Variants in ERAP1 observed in about 807,000 individuals in gnomAD.
ERAP1 encodes endoplasmic reticulum aminopeptidase 1.
A neutral mutation model predicts 103.7 loss-of-function variants in ERAP1; 86 were observed. The ratio of observed to expected loss-of-function variants is 0.83; its 90% CI spans 0.70 to 0.99. The LOEUF (loss-of-function observed/expected upper bound fraction) is 0.99. ERAP1 is among the 50% of genes least tolerant of loss of function. The pLI is 0.00. For synonymous variants in ERAP1, 398 were observed against 402.4 expected (o/e 0.99, Z 0.13); for missense variants, 1,009 against 1,128.4 (o/e 0.89, Z 1.52).
chr5:96,794,694 G>C (rs1452698248), intron 5 of ERAP1, among the ~76,000 whole-genome samples: 3 of 152,154 alleles, frequency 2.0e-5, no homozygotes, highest in Admixed American at 6.5e-5. Flanking sequence ...ATTCAAAACA[G>C]TTTGTTGAGC....
At chr5:96,858,652 T>A in the ERAP1 span, among the ~76,000 whole-genome samples, 1 of 152,232 alleles carries the variant, frequency 6.6e-6, no homozygotes, top group Non-Finnish European at 1.5e-5. Flanking sequence ...AGTATTTGTC[T>A]TCATTACTGA....
the ERAP1 span, among the ~76,000 whole-genome samples, chr5:96,922,056 T>TG: frequency 6.6e-6 from 1 of 151,102 alleles, no homozygotes; most frequent in African/African-American, 2.4e-5. Context: ...CCCAGCACTT[T>TG]GGGAGGCCGA....
chr5:96,781,934 T>G (rs745646536), intron 15 of ERAP1, 80 bp from the exon 16 acceptor site: 2 of 1,268,326 alleles, frequency 1.6e-6, no homozygotes, highest in Non-Finnish European at 2.3e-6. Context: ...AACTATGAAC[T>G]GCTGAACTTT....
the ERAP1 span, among the ~76,000 whole-genome samples, chr5:96,867,777 T>C: frequency 6.6e-6 from 1 of 152,092 alleles, no homozygotes; most frequent in Admixed American, 6.5e-5. Context: ...TTTACCTGCT[T>C]TAATACTCTA....
In ERAP1 at chr5:96,783,056, G is replaced by A. The variant is rs766974540; in HGVS notation, c.2280C>T (p.Asn760=). 9 of 1,614,206 alleles carry A rather than the reference G, an allele frequency of 5.6e-6. 1 individual carries two copies. In the East Asian group the frequency reaches 1.3e-4, roughly 24 times the overall value. The part of the protein sequence containing the change: ...YFRKWKESNG[N]LSLPVDVTLA... ...GTTATTTAGTAAGGACTGACCTCAA[G>A]TTTCCATTGGATTCCTTCCACTTTC... The change falls in exon 15 of 19, where the codon AAC becomes AAT. Residue 760 remains asparagine (N), a synonymous_variant. Transcript: ENST00000443439.
chr5:96,913,250 T>G, the ERAP1 span: 1 of 1,246,622 alleles, frequency 8.0e-7, no homozygotes, highest in Non-Finnish European at 1.1e-6. Context: ...AATATATTGG[T>G]GGCTTGAGTT....
chr5:96,853,710 G>T, the ERAP1 span, among the ~76,000 whole-genome samples: 1 of 151,930 alleles, frequency 6.6e-6, no homozygotes, highest in Non-Finnish European at 1.5e-5. Context: ...ATGAGAATTT[G>T]GAACTCACAG....
At chr5:96,890,266 G>C in the ERAP1 span, among the ~76,000 whole-genome samples, 1 of 152,310 alleles carries the variant, frequency 6.6e-6, no homozygotes, top group East Asian at 1.9e-4. Flanking sequence ...GGATGAAACT[G>C]TTCCACCTCA....
chr5:96,892,825 C>T, the ERAP1 span, among the ~76,000 whole-genome samples: 1 of 152,120 alleles, frequency 6.6e-6, no homozygotes, highest in East Asian at 1.9e-4. Flanking sequence ...CTCTGGCATT[C>T]CAATCTAGGG....
In ERAP1 at chr5:96,781,832, C is replaced by G. The variant is rs1162837179; in HGVS notation, c.2308G>C (p.Ala770Pro). The G allele has an allele frequency of 6.2e-7, 1 of 1,613,970 alleles. No homozygotes were observed. The highest frequency in any genetic ancestry group is 1.1e-5 in the South Asian group (1 of 91,078). Residue 770 changes from alanine to proline, a missense_variant, in exon 16 of 19, where the codon GCA (alanine) becomes CCA (proline). Physicochemically the swap from Ala to Pro is conservative, Grantham distance 27. This residue lies in a region of ERAP1 where 611 missense variants were observed against 651.7 expected (regional missense o/e 0.94). Coordinates refer to ENST00000443439, the MANE Select transcript of ERAP1 (RefSeq NM_001040458.3). ...CTCTGGGCCCCCACAGCAAACACTG[C>G]CAAGGTCACGTCGACAGGCAGGCTA... ...NLSLPVDVTL[A>P]VFAVGAQSTE...
chr5:96,890,585 A>G, the ERAP1 span, among the ~76,000 whole-genome samples: 1 of 152,302 alleles, frequency 6.6e-6, no homozygotes, highest in African/African-American at 2.4e-5. Context: ...CAGTGACAAA[A>G]CAATTTTTTT....
chr5:96,878,900 C>G, the ERAP1 span, among the ~76,000 whole-genome samples: 2 of 152,108 alleles, frequency 1.3e-5, no homozygotes, highest in Non-Finnish European at 2.9e-5. Flanking sequence ...TGCATTCCAA[C>G]CTGGACAACA....
At chr5:96,833,375 A>T in the ERAP1 span, among the ~76,000 whole-genome samples, 1 of 152,186 alleles carries the variant, frequency 6.6e-6, no homozygotes, top group African/African-American at 2.4e-5. Context: ...TCATATAAAT[A>T]TTTCTCAACA....
chr5:96,793,948 G>A lies in ERAP1; in HGVS notation c.929C>T (p.Ala310Val). 18 of 1,614,086 alleles carry A rather than the reference G, an allele frequency of 1.1e-5. No individual in the cohort carries two copies. Among genetic ancestry groups the A allele is most frequent in the Non-Finnish European group, 1.5e-5 (18 of 1,179,962 alleles). The change falls in exon 6 of 19, where the codon GCT becomes GTT. Residue 310 changes from alanine (A) to valine (V), a missense_variant. Physicochemically the swap from Ala to Val is moderately conservative, Grantham distance 64 (BLOSUM62 0). This residue lies in a region of ERAP1 where 392 missense variants were observed against 455.2 expected (regional missense o/e 0.86). Transcript: ENST00000443439. ...AGCACCAGACTGAAAGTCGGGAATA[G>A]CAGCAAGATCTTGGGAAGGAAGTAA... is the stretch of plus-strand genomic sequence containing the variant. Reference protein sequence around the residue: ...PYPLPKQDLAAIPDFQSGAME... With the variant: ...PYPLPKQDLAVIPDFQSGAME...
rs182596920 is a variant in ERAP1 at position 96,793,972 on chromosome 5, A to G, written c.920-15T>C. ...AGCAGCAAGATCTTGGGAAGGAAGT[A>G]ATAAAATACATTACCAGTCTCTAAG... On this transcript the variant is annotated splice_polypyrimidine_tract_variant and intron_variant, in intron 5 of 18. Transcript: ENST00000443439. 1.2e-6 allele frequency: 2 copies of G among 1,613,602 alleles called. No homozygotes were observed. Among genetic ancestry groups the G allele is most frequent in the Admixed American group, 3.3e-5 (2 of 60,018 alleles).
At chr5:96,784,110 T>G in intron 13 of ERAP1, 30 bp from the exon 14 acceptor site, 2 of 1,613,192 alleles carry the variant, frequency 1.2e-6, no homozygotes, top group Non-Finnish European at 1.7e-6. Flanking sequence ...GTTAGTGGTT[T>G]AAAAGTAAAT....
chr5:96,807,831 C>A, intron 1 of ERAP1, 29 bp downstream of exon 1: 3 of 985,612 alleles, frequency 3.0e-6, no homozygotes, highest in African/African-American at 3.5e-5. Context: ...GGCCCGCAGT[C>A]CCCTACCCGC....
chr5:96,786,550 C>T lies in ERAP1; in HGVS notation c.1680-1G>A. 6.3e-7 allele frequency: 1 copy of T among 1,598,364 alleles called. No homozygotes were observed. The highest frequency in any genetic ancestry group is 1.3e-5 in the African/African-American group (1 of 74,788). On this transcript the variant is annotated splice_acceptor_variant, in intron 11 of 18. Transcript: ENST00000443439. LOFTEE classifies it high-confidence loss of function. The stretch of plus-strand genomic sequence containing the variant: ...TGTCAATGGAACATGCCACAGGTAC[C>T]TAAAATAAAGGAGAGGTGGATTGTT...
the ERAP1 span, chr5:96,880,320 T>G: frequency 1.4e-6 from 2 of 1,442,364 alleles, no homozygotes; most frequent in Non-Finnish European, 1.9e-6. Flanking sequence ...GAGTTACATC[T>G]CTTTGCCAGG....
Sources: gnomAD v4.1 joint callset for allele counts (sites outside exome capture counted in the v4.1 genomes callset) on GRCh38, gnomAD v4.1.1 for gene constraint, gnomAD v4.1.1 regional missense constraint, MANE v1.5 for transcripts, NCBI Gene and HGNC (gene_info 2026-07-23, HGNC 2026-07-21) for gene names.